The following FHIP1A variants were observed in gnomAD, a reference collection of about 807,000 sequenced individuals.
The protein encoded by FHIP1A is FHF complex subunit HOOK-interacting protein 1A.
FHIP1A carries 61 observed loss-of-function variants against 88.6 expected under a neutral mutation model. That is an observed-to-expected ratio of 0.69 (90% CI 0.56 to 0.85). The LOEUF (loss-of-function observed/expected upper bound fraction) is 0.85, where lower values mean the gene tolerates loss of function less well. Ranked by LOEUF, FHIP1A falls within the 40% of genes least tolerant of loss-of-function variation. The pLI is 0.00. For missense variants in FHIP1A, 1,154 were observed against 1,273.5 expected (o/e 0.91, Z 1.43); for synonymous variants, 478 against 496.0 (o/e 0.96, Z 0.48).
chr4:151,580,506 A>G (rs551035803), intron 5 of FHIP1A, among the ~76,000 whole-genome samples: 1 of 152,340 alleles, frequency 6.6e-6, no homozygotes, highest in Non-Finnish European at 1.5e-5. Context: ...AGTGAAAAAA[A>G]CAAGAACTTT....
chr4:151,575,750 C>T (rs1418892575), intron 4 of FHIP1A, among the ~76,000 whole-genome samples: 2 of 152,146 alleles, frequency 1.3e-5, no homozygotes, highest in East Asian at 3.9e-4. Flanking sequence ...TGGTCTATAA[C>T]GATTTTTTTC....
chr4:151,566,946 A>G (rs1453840631), intron 4 of FHIP1A, among the ~76,000 whole-genome samples: 1 of 152,004 alleles, frequency 6.6e-6, no homozygotes, highest in African/African-American at 2.4e-5. Flanking sequence ...TGGTGCCTTG[A>G]CTCCAAAGCT....
chr4:151,468,969 C>A lies in FHIP1A; in HGVS notation c.-247-13555C>A, dbSNP rs571555064. ...GTATCCTGCAGTGAGGGATTCCTAG[C>A]CTGGGATCCCAAGAACCACCCCTGA... On this transcript the variant is annotated intron_variant, in intron 2 of 13. Transcript: ENST00000435205. 4.6e-5 allele frequency among the ~76,000 whole-genome samples: 7 copies of A among 152,158 alleles called. No individual in the cohort carries two copies. In the East Asian group the frequency reaches 1.4e-3, roughly 29 times the overall value.
chr4:151,618,957 G>A (rs1735642212), intron 7 of FHIP1A, among the ~76,000 whole-genome samples: 3 of 152,230 alleles, frequency 2.0e-5, no homozygotes, highest in African/African-American at 7.2e-5. Flanking sequence ...GTTAATGCAA[G>A]TACCTTAAGC....
intron 7 of FHIP1A, among the ~76,000 whole-genome samples, chr4:151,623,562 T>C (rs1402102926): frequency 6.6e-6 from 1 of 151,496 alleles, no homozygotes; most frequent in African/African-American, 2.4e-5. Context: ...TTGGCTTATT[T>C]TAAACTGATG....
At chr4:151,569,625 G>A (rs1011623896) in intron 4 of FHIP1A, among the ~76,000 whole-genome samples, 1 of 152,074 alleles carries the variant, frequency 6.6e-6, no homozygotes, top group Non-Finnish European at 1.5e-5. Context: ...GGAGACTTAA[G>A]TATAAATTCA....
chr4:151,565,782 C>A (rs1434150154), intron 3 of FHIP1A, among the ~76,000 whole-genome samples: 2 of 151,420 alleles, frequency 1.3e-5, no homozygotes, highest in Non-Finnish European at 2.9e-5. Flanking sequence ...ATGGCAAAAA[C>A]CGCAATTACT....
intron 3 of FHIP1A, among the ~76,000 whole-genome samples, chr4:151,532,705 T>C (rs1431215849): frequency 6.6e-6 from 1 of 152,120 alleles, no homozygotes; most frequent in Non-Finnish European, 1.5e-5. Context: ...GAACAGATAG[T>C]AGGAGAAGAC....
chr4:151,526,626 C>G (rs1731662691), intron 3 of FHIP1A, among the ~76,000 whole-genome samples: 1 of 148,082 alleles, frequency 6.8e-6, no homozygotes, highest in Admixed American at 6.7e-5. Context: ...ATCCCCCCAC[C>G]TCCCTCCCGG....
intron 5 of FHIP1A, among the ~76,000 whole-genome samples, chr4:151,580,706 A>AT (rs1733987588): frequency 1.3e-5 from 2 of 152,224 alleles, no homozygotes; most frequent in Admixed American, 1.3e-4. Flanking sequence ...ACAGAAAAAT[A>AT]TAAGTACGTG....
intron 3 of FHIP1A, among the ~76,000 whole-genome samples, chr4:151,536,611 C>T (rs1732079967): frequency 6.6e-6 from 1 of 152,194 alleles, no homozygotes; most frequent in Admixed American, 6.5e-5. Flanking sequence ...CCTGCAGAGT[C>T]ATTCAAGCTG....
At chr4:151,590,626 G>C (rs972266525) in intron 7 of FHIP1A, among the ~76,000 whole-genome samples, 2 of 152,220 alleles carry the variant, frequency 1.3e-5, no homozygotes, top group African/African-American at 2.4e-5. Context: ...GCTGAGCACA[G>C]TACCTTAGAC....
At chr4:151,499,358 T>C (rs1186475848) in intron 3 of FHIP1A, among the ~76,000 whole-genome samples, 1 of 152,228 alleles carries the variant, frequency 6.6e-6, no homozygotes, top group Non-Finnish European at 1.5e-5. Context: ...TCCTGTGGCC[T>C]ACCTATTGGT....
Position 151,656,086 on chromosome 4 carries a change from G to GA in FHIP1A, c.2552-142dup. The GA allele has an allele frequency of 1.8e-6, 1 of 565,550 alleles. No individual in the cohort carries two copies. The highest frequency in any genetic ancestry group is 3.0e-6 in the Non-Finnish European group (1 of 335,292). 35.0% of individuals were successfully genotyped at this position (565,550 alleles called of 1,614,324 possible). ...TTTCCGTTTTGGTTTTGAGGCAGGA[G>GA]AAAACGTGGCCATATTTGCTGTGTC... On this transcript the variant is annotated intron_variant, in intron 11 of 13. Transcript: ENST00000435205. The surrounding 1 kb of genome is among the most constrained non-coding windows in gnomAD (Gnocchi z 4.2).
rs1302961668 is a variant in FHIP1A, at chr4:151,657,787, G to A, written c.2869+889G>A. On this transcript the variant is annotated intron_variant, in intron 13 of 13. Transcript: ENST00000435205. ...GAAACAAGACTGGCAGTGAGCGGCAGAAATGAAACTCAGGGCAATTGTTCC... is the reference window on the plus strand; with the variant it reads ...GAAACAAGACTGGCAGTGAGCGGCAAAAATGAAACTCAGGGCAATTGTTCC... 2.6e-5 allele frequency among the ~76,000 whole-genome samples: 4 copies of A among 152,346 alleles called. No individual in the cohort carries two copies. In the East Asian group the frequency reaches 7.7e-4, roughly 29 times the overall value.
At position 151,500,438 on chromosome 4, in the gene FHIP1A, C is replaced by CAAA. The variant is rs34481805; in HGVS notation, c.-123+17808_-123+17810dup. Reference sequence around the variant, plus strand: ...CGATTGTATGGAGGTCAGCCATTCTCAAAAAAAAAAAAAAAAAAAAGACTT... The same window carrying CAAA: ...CGATTGTATGGAGGTCAGCCATTCTCAAAAAAAAAAAAAAAAAAAAAAAGACTT... On this transcript the variant is annotated intron_variant, in intron 3 of 13. Transcript: ENST00000435205. 2.0e-3 allele frequency among the ~76,000 whole-genome samples: 215 copies of CAAA among 106,684 alleles called. 1 individual carries two copies. The highest frequency in any genetic ancestry group is 6.9e-3 in the African/African-American group (195 of 28,358). 70.0% of individuals were successfully genotyped at this position (106,684 alleles called of 152,430 possible).
At chr4:151,616,430 A>ATCTT (rs749919386) in intron 7 of FHIP1A, among the ~76,000 whole-genome samples, 26 of 142,352 alleles carry the variant, frequency 1.8e-4, no homozygotes, top group Admixed American at 2.8e-4. Flanking sequence ...AGACAAATAT[A>ATCTT]TCTTTCTTTC....
chr4:151,481,363 T>G (rs1729887182), intron 2 of FHIP1A, among the ~76,000 whole-genome samples: 1 of 152,024 alleles, frequency 6.6e-6, no homozygotes, highest in Non-Finnish European at 1.5e-5. Flanking sequence ...TGAAGTATAT[T>G]TATATATACA....
At chr4:151,569,723 T>C (rs1733524935) in intron 4 of FHIP1A, among the ~76,000 whole-genome samples, 1 of 152,146 alleles carries the variant, frequency 6.6e-6, no homozygotes, top group East Asian at 1.9e-4. Context: ...CAAACATTGA[T>C]GGAGGAGATC....
Sources: allele counts gnomAD v4.1 joint callset (sites outside exome capture counted in the v4.1 genomes callset), GRCh38; gene constraint gnomAD v4.1.1; non-coding constraint Gnocchi (gnomAD v3.1); transcripts MANE v1.5; gene names NCBI Gene and HGNC (gene_info 2026-07-23, HGNC 2026-07-21).